Variants in COP1 observed in about 807,000 individuals in gnomAD.
The protein encoded by COP1 is E3 ubiquitin-protein ligase COP1.
In COP1, 24 loss-of-function variants were observed where a neutral mutation model predicts 101.3. That is an observed-to-expected ratio of 0.24 (90% CI 0.17 to 0.33). The LOEUF is 0.33. Among genes scored for constraint, COP1 ranks in the 10% least tolerant of loss-of-function variants. The probability of loss-of-function intolerance (pLI) is 1.00; values close to 1 mark genes in which losing one functional copy is unlikely to be tolerated. For missense variants in COP1, 663 were observed against 906.2 expected, an observed-to-expected ratio of 0.73 and a Z score of 3.45; for synonymous variants, 347 against 341.9, an observed-to-expected ratio of 1.01 and a Z score of -0.17.
chr1:176,150,130 AT>A (rs1443861443), intron 5 of COP1, among the ~76,000 whole-genome samples: 1 of 152,220 alleles, frequency 6.6e-6, no homozygotes, highest in Non-Finnish European at 1.5e-5. Context: ...GCCAATTAAA[AT>A]CTGAAGAATC....
chr1:175,984,505 C>T (rs954005546), intron 18 of COP1, among the ~76,000 whole-genome samples: 6 of 152,162 alleles, frequency 3.9e-5, no homozygotes, highest in South Asian at 2.1e-4. Context: ...ACCTCTGCCA[C>T]GGCAGTACAG....
chr1:176,141,917 A>G (rs1690753541), intron 6 of COP1, among the ~76,000 whole-genome samples: 1 of 151,880 alleles, frequency 6.6e-6, no homozygotes, highest in Admixed American at 6.6e-5. Flanking sequence ...AATTGTTTGT[A>G]GAGACAAAGT....
intron 1 of COP1, among the ~76,000 whole-genome samples, chr1:176,192,943 T>C (rs1385941982): frequency 1.3e-5 from 2 of 152,202 alleles, no homozygotes; most frequent in African/African-American, 4.8e-5. Flanking sequence ...ATTTAAAATA[T>C]AGTACCAATT....
At chr1:176,185,748 T>A (rs879438209) in intron 1 of COP1, among the ~76,000 whole-genome samples, 15 of 152,208 alleles carry the variant, frequency 9.9e-5, no homozygotes, top group Non-Finnish European at 2.1e-4. Flanking sequence ...AGCAGCTGCA[T>A]CAGCTTTGGA....
chr1:175,955,791 C>CACACAT (rs1293503771), intron 18 of COP1, among the ~76,000 whole-genome samples: 1 of 151,354 alleles, frequency 6.6e-6, no homozygotes, highest in African/African-American at 2.4e-5. Flanking sequence ...CACACACACA[C>CACACAT]ACACACACAC....
chr1:176,081,561 T>C (rs1679162684), intron 10 of COP1, among the ~76,000 whole-genome samples: 1 of 151,774 alleles, frequency 6.6e-6, no homozygotes, highest in Non-Finnish European at 1.5e-5. Context: ...ATAATAATAA[T>C]AATAAAGCTA....
At chr1:176,110,726 T>C (rs1332516351) in intron 9 of COP1, among the ~76,000 whole-genome samples, 3 of 152,030 alleles carry the variant, frequency 2.0e-5, no homozygotes, top group African/African-American at 7.2e-5. Context: ...AATAAATGAG[T>C]ATTTAAAAGC....
intron 12 of COP1, 48 bp from the exon 13 acceptor site, chr1:176,043,866 A>G: frequency 9.5e-7 from 1 of 1,054,368 alleles, no homozygotes. Flanking sequence ...ATAAATAACA[A>G]TGGGATAAAA....
intron 18 of COP1, among the ~76,000 whole-genome samples, chr1:175,959,081 T>C (rs960045080): frequency 2.0e-5 from 3 of 151,924 alleles, no homozygotes; most frequent in Admixed American, 1.3e-4. Context: ...TAGTAGCAAG[T>C]TGATTTTAAC....
At chr1:176,162,004 T>G (rs1327272482) in intron 5 of COP1, among the ~76,000 whole-genome samples, 1 of 151,792 alleles carries the variant, frequency 6.6e-6, no homozygotes, top group Non-Finnish European at 1.5e-5. Flanking sequence ...AAACCAAGAG[T>G]GCAAATGACA....
intron 2 of COP1, among the ~76,000 whole-genome samples, chr1:176,179,569 A>G (rs973098029): frequency 2.0e-5 from 3 of 151,818 alleles, no homozygotes; most frequent in Admixed American, 6.6e-5. Context: ...CCCCAACTCT[A>G]AAAAAATTTT....
At chr1:176,021,378 C>T (rs1389503925) in intron 15 of COP1, among the ~76,000 whole-genome samples, 1 of 152,092 alleles carries the variant, frequency 6.6e-6, no homozygotes, top group African/African-American at 2.4e-5. Context: ...ATTGTACAAA[C>T]TCAGCAGGTG....
At chr1:176,026,934 C>A (rs1291077724) in intron 15 of COP1, among the ~76,000 whole-genome samples, 19 of 152,034 alleles carry the variant, frequency 1.2e-4, no homozygotes. Flanking sequence ...CAACTCATGA[C>A]ACTTTTGTGA....
At chr1:176,164,250 G>A (rs1425168781) in intron 3 of COP1, among the ~76,000 whole-genome samples, 1 of 152,180 alleles carries the variant, frequency 6.6e-6, no homozygotes, top group Non-Finnish European at 1.5e-5. Context: ...TATCTACTAT[G>A]AGTTAAGTAC....
At chr1:176,022,322 AG>A (rs1352385236) in intron 15 of COP1, among the ~76,000 whole-genome samples, 1 of 152,218 alleles carries the variant, frequency 6.6e-6, no homozygotes, top group East Asian at 1.9e-4. Flanking sequence ...CCCTTGCAAC[AG>A]GAAGTCAAAC....
chr1:176,075,807 A>G (rs1677879359), intron 11 of COP1, among the ~76,000 whole-genome samples: 1 of 152,034 alleles, frequency 6.6e-6, no homozygotes, highest in South Asian at 2.1e-4. Context: ...GTTCGAGACC[A>G]GCCTGGCCAA....
At chr1:176,142,528 T>A (rs1690863391) in intron 6 of COP1, among the ~76,000 whole-genome samples, 1 of 152,146 alleles carries the variant, frequency 6.6e-6, no homozygotes, top group African/African-American at 2.4e-5. Flanking sequence ...AGACCTGGTA[T>A]GAATGCAGGA....
intron 3 of COP1, among the ~76,000 whole-genome samples, chr1:176,175,088 T>C (rs1300198235): frequency 6.6e-6 from 1 of 152,192 alleles, no homozygotes; most frequent in Non-Finnish European, 1.5e-5. Context: ...AAGTTCTTAA[T>C]TTTTAATTGC....
At chr1:176,179,160 C>T (rs898873674) in intron 2 of COP1, among the ~76,000 whole-genome samples, 1 of 151,656 alleles carries the variant, frequency 6.6e-6, no homozygotes, top group Non-Finnish European at 1.5e-5. Context: ...CATATTGGTG[C>T]ACACCTATAG....
Sources: allele counts gnomAD v4.1 joint callset (sites outside exome capture counted in the v4.1 genomes callset), GRCh38; gene constraint gnomAD v4.1.1; transcripts MANE v1.5; gene names NCBI Gene and HGNC (gene_info 2026-07-23, HGNC 2026-07-21).